Variants in FGF13 observed in about 807,000 individuals in gnomAD.
FGF13 encodes the protein fibroblast growth factor 13, also known as fibroblast growth factor homologous factor 2.
A neutral mutation model predicts 19.5 loss-of-function variants in FGF13; 2 were observed. The observed-to-expected ratio is 0.10, with a 90% CI of 0.04 to 0.32. The LOEUF (loss-of-function observed/expected upper bound fraction) is 0.32, where lower values mean the gene tolerates loss of function less well. FGF13 is among the 10% of genes least tolerant of loss of function. FGF13 has a pLI of 1.00. For synonymous variants in FGF13, 72 were observed against 76.9 expected, an observed-to-expected ratio of 0.94 and a Z score of 0.33; for missense variants, 113 against 192.7, an observed-to-expected ratio of 0.59 and a Z score of 2.45.
rs2089008755 is a variant in FGF13 at position 138,620,757 on chromosome X, G to A, written c.*12093C>T. ...TATAAGATAGTCACTTTAGCTGCAA[G>A]GACACGTATAAACTGAAAGTGAAGA... On this transcript the variant is annotated 3_prime_UTR_variant, in exon 5 of 5. Transcript: ENST00000315930. 9.0e-6 allele frequency: 1 copy of A among 111,377 alleles called. No homozygotes were observed. The highest frequency in any genetic ancestry group is 1.9e-5 in the Non-Finnish European group (1 of 53,084). 9.2% of individuals were successfully genotyped at this position (111,377 alleles called of 1,213,427 possible). A position where few individuals can be genotyped will look rare whatever the true frequency, so the allele number is the denominator to read the frequency against.
At chrX:138,999,917 C>T (rs1003085369) in intron 1 of FGF13, among the ~76,000 whole-genome samples, 6 of 112,035 alleles carry the variant, frequency 5.4e-5, no homozygotes, top group Non-Finnish European at 9.4e-5. Flanking sequence ...CCACGATGAA[C>T]ATCGATGCAA....
At chrX:139,197,309 T>C (rs2084379441) in intron 1 of FGF13, among the ~76,000 whole-genome samples, 1 of 112,903 alleles carries the variant, frequency 8.9e-6, no homozygotes, top group Non-Finnish European at 1.9e-5. Context: ...GCTACTGTAC[T>C]TCATTTGGCT....
At chrX:138,750,276 T>C (rs2090388694) in intron 3 of FGF13, among the ~76,000 whole-genome samples, 1 of 112,102 alleles carries the variant, frequency 8.9e-6, no homozygotes, top group Admixed American at 9.5e-5. Context: ...TAAATAACTA[T>C]GGTTAGGTGA....
intron 1 of FGF13, among the ~76,000 whole-genome samples, chrX:139,055,695 A>T (rs1272921820): frequency 8.9e-6 from 1 of 112,746 alleles, no homozygotes; most frequent in Non-Finnish European, 1.9e-5. Context: ...TCCCTTCTTA[A>T]ACAAGTTATC....
intron 3 of FGF13, among the ~76,000 whole-genome samples, chrX:138,770,616 A>G (rs1037103379): frequency 1.8e-5 from 2 of 111,269 alleles, no homozygotes; most frequent in African/African-American, 6.5e-5. Flanking sequence ...CACGTTTTTA[A>G]ATGATTTCTT....
intron 1 of FGF13, among the ~76,000 whole-genome samples, chrX:139,171,867 G>T (rs893708505): frequency 8.9e-6 from 1 of 111,880 alleles, no homozygotes; most frequent in Non-Finnish European, 1.9e-5. Context: ...TCTACTTTGT[G>T]ATTATGATAT....
intron 1 of FGF13, among the ~76,000 whole-genome samples, chrX:139,142,333 A>T (rs1235770537): frequency 8.9e-6 from 1 of 112,152 alleles, no homozygotes; most frequent in African/African-American, 3.2e-5. Flanking sequence ...TAACAGAAAG[A>T]AAAAGATAAA....
chrX:139,111,074 C>T (rs943141193), intron 1 of FGF13, among the ~76,000 whole-genome samples: 2 of 111,859 alleles, frequency 1.8e-5, no homozygotes, highest in African/African-American at 6.5e-5. Context: ...CCTATTTTAG[C>T]TTATGGTACC....
intron 1 of FGF13, among the ~76,000 whole-genome samples, chrX:138,917,488 T>C (rs757895309): frequency 1.8e-5 from 2 of 112,000 alleles, no homozygotes; most frequent in Admixed American, 9.5e-5. Context: ...TAAATGCCTA[T>C]TCTTTAATCC....
chrX:138,730,939 G>T (rs949716883), intron 1 of FGF13, among the ~76,000 whole-genome samples: 4 of 111,312 alleles, frequency 3.6e-5, no homozygotes, highest in African/African-American at 1.3e-4. Flanking sequence ...ATCAGATAAG[G>T]TGGACTTCAT....
chrX:139,178,062 A>T (rs140536767), intron 1 of FGF13, among the ~76,000 whole-genome samples: 1 of 111,614 alleles, frequency 9.0e-6, no homozygotes, highest in African/African-American at 3.3e-5. Flanking sequence ...ACCAGGCCCA[A>T]TGAGATGAGC....
rs148376978 is a variant in FGF13 at position 139,018,949 on chromosome X, C to A, written c.-112-154299G>T. Among the ~76,000 whole-genome samples, 1,049 of 111,249 alleles carry A rather than the reference C, an allele frequency of 9.4e-3. 11 individuals are homozygous for A. Among genetic ancestry groups the A allele is most frequent in the African/African-American group, 0.032 (972 of 30,628 alleles). ...CACTACCCCAAAAAGAAACCCCATA[C>A]CCTTTAGCAGTCAATGCTCCCCACA... is the stretch of plus-strand genomic sequence containing the variant. On this transcript the variant is annotated intron_variant, in intron 1 of 2. Coordinates refer to the FGF13 transcript ENST00000421460.
At chrX:138,990,151 G>T (rs1404993021) in intron 1 of FGF13, among the ~76,000 whole-genome samples, 2 of 110,505 alleles carry the variant, frequency 1.8e-5, no homozygotes, top group Non-Finnish European at 3.8e-5. Context: ...TCAGAGCAAG[G>T]TATATGTACT....
intron 1 of FGF13, among the ~76,000 whole-genome samples, chrX:138,879,289 C>G (rs975558463): frequency 1.8e-5 from 2 of 111,539 alleles, no homozygotes; most frequent in African/African-American, 6.5e-5. Flanking sequence ...AAACAACTCA[C>G]AAATATTTTC....
intron 3 of FGF13, among the ~76,000 whole-genome samples, chrX:138,824,222 G>A (rs1264837449): frequency 8.9e-6 from 1 of 112,091 alleles, no homozygotes; most frequent in South Asian, 3.7e-4. Context: ...TAAGTTTGAA[G>A]GTGCAGAAGA....
intron 1 of FGF13, among the ~76,000 whole-genome samples, chrX:139,014,385 G>A (rs1034435986): frequency 1.8e-5 from 2 of 111,187 alleles, no homozygotes; most frequent in African/African-American, 6.5e-5. Context: ...GGAAAAAAGC[G>A]AAAATAGCTG....
chrX:138,843,241 C>A (rs978863561), intron 3 of FGF13, among the ~76,000 whole-genome samples: 5 of 111,953 alleles, frequency 4.5e-5, no homozygotes, highest in African/African-American at 1.6e-4. Context: ...CTTCCATCTA[C>A]CTACAGAGAT....
chrX:139,081,389 C>A (rs1285444065), intron 1 of FGF13, among the ~76,000 whole-genome samples: 1 of 111,772 alleles, frequency 8.9e-6, no homozygotes. Flanking sequence ...TAACACCTGA[C>A]CTTTTAATGT....
chrX:139,165,394 C>A (rs985352700), intron 1 of FGF13, among the ~76,000 whole-genome samples: 1 of 111,791 alleles, frequency 8.9e-6, no homozygotes, highest in Non-Finnish European at 1.9e-5. Context: ...CTGCAGCCTG[C>A]CACATAAAAA....
Sources: allele counts gnomAD v4.1 joint callset (sites outside exome capture counted in the v4.1 genomes callset), GRCh38; gene constraint gnomAD v4.1.1; transcripts MANE v1.5; gene names NCBI Gene and HGNC (gene_info 2026-07-23, HGNC 2026-07-21).